COA1: variants seen among roughly 807,000 people sequenced by gnomAD.
The protein encoded by COA1 is cytochrome c oxidase assembly factor 1 homolog.
A neutral mutation model predicts 16.0 loss-of-function variants in COA1; 13 were observed. The observed-to-expected ratio is 0.81, with a 90% CI of 0.53 to 1.29. The LOEUF (loss-of-function observed/expected upper bound fraction) is 1.29, where lower values mean the gene tolerates loss of function less well. COA1 is among the 50% of genes most tolerant of loss of function. The pLI, the probability that COA1 is intolerant of heterozygous loss-of-function variation, is 0.00. For missense variants in COA1, 179 were observed against 177.0 expected, an observed-to-expected ratio of 1.01 and a Z score of -0.06; for synonymous variants, 65 against 65.7, an observed-to-expected ratio of 0.99 and a Z score of 0.05.
chr7:43,624,633 G>C (rs777774589), intron 6 of COA1: 1 of 1,614,058 alleles, frequency 6.2e-7, no homozygotes, highest in Non-Finnish European at 8.5e-7. Flanking sequence ...CCTCCAAGAA[G>C]GTCATTCTGT....
At chr7:43,629,115 T>A (rs1451226603) in intron 6 of COA1, among the ~76,000 whole-genome samples, 1 of 152,190 alleles carries the variant, frequency 6.6e-6, no homozygotes, top group African/African-American at 2.4e-5. Context: ...TCAAAGAGTC[T>A]CCTTTCACTG....
intron 1 of COA1, among the ~76,000 whole-genome samples, chr7:43,686,985 T>A (rs10236458): frequency 0.15 from 22,346 of 152,214 alleles, 2,186 homozygotes; most frequent in Non-Finnish European, 0.21. Flanking sequence ...GGATTTCCAC[T>A]GAGGCCCCAA....
At chr7:43,708,307 TAA>T (rs1463130618) in intron 1 of COA1, among the ~76,000 whole-genome samples, 1 of 151,866 alleles carries the variant, frequency 6.6e-6, no homozygotes, top group Non-Finnish European at 1.5e-5. Flanking sequence ...AAAAAATAAA[TAA>T]AGTTAGCTGG....
At chr7:43,624,539 A>G (rs768529636) in intron 6 of COA1, 188 of 1,612,716 alleles carry the variant, frequency 1.2e-4, no homozygotes, top group Non-Finnish European at 1.5e-4. Flanking sequence ...CTGCTGAAGA[A>G]TGTCTAAAGC....
At chr7:43,612,012 C>G (rs570713613) in intron 6 of COA1, among the ~76,000 whole-genome samples, 5 of 152,244 alleles carry the variant, frequency 3.3e-5, no homozygotes, top group Non-Finnish European at 7.3e-5. Flanking sequence ...TGAATACCAA[C>G]TTTAAGTGTG....
intron 1 of COA1, among the ~76,000 whole-genome samples, chr7:43,678,156 T>C (rs2093618748): frequency 6.6e-6 from 1 of 152,224 alleles, no homozygotes; most frequent in Non-Finnish European, 1.5e-5. Context: ...CTTAGTAATT[T>C]GTATAAAGTA....
Position 43,647,166 on chromosome 7 carries a change from G to A in COA1, c.115+369C>T, listed in dbSNP as rs370633119. The A allele has an allele frequency of 4.0e-4, 113 of 283,704 alleles. 2 individuals are homozygous for A. In the South Asian group the frequency reaches 5.9e-3, roughly 15 times the overall value. 17.6% of individuals were successfully genotyped at this position (283,704 alleles called of 1,614,324 possible). On this transcript the variant is annotated intron_variant, in intron 3 of 5. Coordinates refer to ENST00000223336, the MANE Select transcript of COA1 (RefSeq NM_018224.4). ...AGTGCAAAAAAAGTCTGACAATGCT[G>A]GACGCACAGCCACAGCTTTCCCCAC...
chr7:43,643,457 T>C (rs966299927), intron 4 of COA1, among the ~76,000 whole-genome samples: 2 of 152,030 alleles, frequency 1.3e-5, no homozygotes, highest in African/African-American at 4.8e-5. Flanking sequence ...CGCCACACCA[T>C]GGGAGCAATC....
At chr7:43,716,021 G>T (rs931210014) in intron 1 of COA1, among the ~76,000 whole-genome samples, 1 of 152,158 alleles carries the variant, frequency 6.6e-6, no homozygotes, top group African/African-American at 2.4e-5. Flanking sequence ...CTTCTGCCAT[G>T]ATTGTGAGGC....
intron 6 of COA1, among the ~76,000 whole-genome samples, chr7:43,614,669 GCT>G (rs1168958925): frequency 6.6e-6 from 1 of 152,184 alleles, no homozygotes; most frequent in East Asian, 1.9e-4. Context: ...CCATGAAATA[GCT>G]CTGATTTTAT....
At chr7:43,687,950 G>C (rs2094116335) in intron 1 of COA1, among the ~76,000 whole-genome samples, 1 of 152,142 alleles carries the variant, frequency 6.6e-6, no homozygotes, top group Non-Finnish European at 1.5e-5. Context: ...AATCATGGGG[G>C]CCAGTCTTTG....
At chr7:43,628,118 C>T (rs928740900) in intron 6 of COA1, among the ~76,000 whole-genome samples, 5 of 152,138 alleles carry the variant, frequency 3.3e-5, no homozygotes, top group Non-Finnish European at 7.3e-5. Context: ...CCCCAAGTAG[C>T]TGGGATTACA....
At chr7:43,642,319 G>A (rs746321916) in intron 4 of COA1, among the ~76,000 whole-genome samples, 4 of 152,054 alleles carry the variant, frequency 2.6e-5, no homozygotes, top group African/African-American at 4.8e-5. Flanking sequence ...GCATGGTGGC[G>A]CACACCTATA....
chr7:43,715,006 TAAAAAAAA>T (rs755827781), intron 1 of COA1, among the ~76,000 whole-genome samples: 1 of 95,784 alleles, frequency 1.0e-5, no homozygotes, highest in African/African-American at 4.1e-5. Context: ...GCCTCTTGTC[TAAAAAAAA>T]AAAAAAAAAA....
chr7:43,624,642 G>C (rs1373295905), intron 6 of COA1: 1 of 1,614,094 alleles, frequency 6.2e-7, no homozygotes, highest in Admixed American at 1.7e-5. Context: ...AGGTCATTCT[G>C]TGCCTGAAAT....
At chr7:43,631,701 A>G (rs2153040012) in intron 6 of COA1, 1 of 152,240 alleles carries the variant, frequency 6.6e-6, no homozygotes, top group African/African-American at 2.4e-5. Flanking sequence ...AGTCTGTCCT[A>G]TCATGGACTT....
intron 1 of COA1, among the ~76,000 whole-genome samples, chr7:43,726,911 G>A (rs1473438767): frequency 1.3e-5 from 2 of 152,040 alleles, no homozygotes; most frequent in African/African-American, 4.8e-5. Flanking sequence ...TAAATAAATG[G>A]GCAATAAGCA....
chr7:43,715,870 A>G (rs917838515), intron 1 of COA1, among the ~76,000 whole-genome samples: 1 of 152,178 alleles, frequency 6.6e-6, no homozygotes, highest in African/African-American at 2.4e-5. Context: ...GTGGGAGATA[A>G]TCGAATCATG....
intron 1 of COA1, chr7:43,711,467 AAGAG>A (rs949726052): frequency 2.6e-5 from 4 of 152,068 alleles, no homozygotes; most frequent in Admixed American, 6.6e-5. Flanking sequence ...AAGAAAGAAA[AAGAG>A]AGAGAGAGAA....
Sources: gnomAD v4.1 joint callset for allele counts (sites outside exome capture counted in the v4.1 genomes callset) on GRCh38, gnomAD v4.1.1 for gene constraint, MANE v1.5 for transcripts, NCBI Gene and HGNC (gene_info 2026-07-23, HGNC 2026-07-21) for gene names.